Variants in NEO1 observed in about 807,000 individuals in gnomAD.
NEO1 encodes neogenin.
Under a neutral mutation model 159.7 loss-of-function variants are expected in NEO1, and 63 were observed. That is an observed-to-expected ratio of 0.39 (90% CI 0.32 to 0.49). The LOEUF (loss-of-function observed/expected upper bound fraction) is 0.49. NEO1 is among the 20% of genes least tolerant of loss of function. The pLI, the probability that NEO1 is intolerant of heterozygous loss-of-function variation, is 0.85. For synonymous variants in NEO1, 633 were observed against 662.0 expected (o/e 0.96, Z 0.67); for missense variants, 1,615 against 1,831.0 (o/e 0.88, Z 2.15).
At chr15:73,177,310 G>A (rs1157947921) in intron 6 of NEO1, among the ~76,000 whole-genome samples, 1 of 152,026 alleles carries the variant, frequency 6.6e-6, no homozygotes, top group Admixed American at 6.6e-5. Flanking sequence ...TCATAAAAAT[G>A]ATCAGAACTA....
At chr15:73,087,784 T>G (rs1440822389) in intron 1 of NEO1, among the ~76,000 whole-genome samples, 1 of 152,160 alleles carries the variant, frequency 6.6e-6, no homozygotes, top group African/African-American at 2.4e-5. Flanking sequence ...TAATTGTATA[T>G]TTTTGAATTG....
chr15:73,283,627 T>C lies in NEO1; in HGVS notation c.3410+516T>C, dbSNP rs139567303. ...CTGGAAGCCAGGAAACCCAGCAGGATTGCCAAGTAATAGTTAATTTAGCTC... is the reference window on the plus strand; with the variant it reads ...CTGGAAGCCAGGAAACCCAGCAGGACTGCCAAGTAATAGTTAATTTAGCTC... On this transcript the variant is annotated intron_variant, in intron 23 of 28. Coordinates refer to ENST00000261908, the MANE Select transcript of NEO1 (RefSeq NM_002499.4). 2.4e-3 allele frequency among the ~76,000 whole-genome samples: 369 copies of C among 152,280 alleles called. 4 individuals are homozygous for C. Among genetic ancestry groups the C allele is most frequent in the African/African-American group, 8.5e-3 (352 of 41,554 alleles).
At chr15:73,246,931 A>G (rs998817857) in intron 9 of NEO1, among the ~76,000 whole-genome samples, 5 of 152,220 alleles carry the variant, frequency 3.3e-5, no homozygotes, top group Non-Finnish European at 7.3e-5. Context: ...CCACTGTGTT[A>G]GGCAGTCAGG....
At chr15:73,220,788 A>G (rs2038200436) in intron 7 of NEO1, among the ~76,000 whole-genome samples, 1 of 152,066 alleles carries the variant, frequency 6.6e-6, no homozygotes, top group African/African-American at 2.4e-5. Context: ...AGCTCCTTTA[A>G]GCACTTCTCT....
At chr15:73,187,016 A>G (rs1212805885) in intron 7 of NEO1, among the ~76,000 whole-genome samples, 1 of 152,226 alleles carries the variant, frequency 6.6e-6, no homozygotes, top group Non-Finnish European at 1.5e-5. Context: ...GAAGTGTGAC[A>G]GAATGGTATA....
chr15:73,138,695 G>A lies in NEO1; in HGVS notation c.1015+2668G>A, dbSNP rs572631675. Among the ~76,000 whole-genome samples, 77 of 150,414 alleles carry A rather than the reference G, an allele frequency of 5.1e-4. No homozygotes were observed. The South Asian group carries it at 0.015, about 29-fold the overall frequency. The stretch of plus-strand genomic sequence containing the variant: ...GGCGTGAACCTGGGAAGCCGAGCTT[G>A]CAGTGAGCCGAGATCCCGCCACTGC... On this transcript the variant is annotated intron_variant, in intron 5 of 28. Coordinates refer to ENST00000261908, the MANE Select transcript of NEO1 (RefSeq NM_002499.4).
At chr15:73,055,950 G>A (rs1031359225) in intron 1 of NEO1, among the ~76,000 whole-genome samples, 2 of 152,078 alleles carry the variant, frequency 1.3e-5, no homozygotes, top group Non-Finnish European at 2.9e-5. Context: ...ATCCCCACCT[G>A]GACTAACAGT....
At chr15:73,095,224 C>CT (rs2069943290) in intron 1 of NEO1, among the ~76,000 whole-genome samples, 1 of 148,762 alleles carries the variant, frequency 6.7e-6, no homozygotes, top group East Asian at 2.0e-4. Context: ...AAAAAAAAAA[C>CT]TTAACAGCTA....
chr15:73,052,644 C>T lies in NEO1; in HGVS notation c.-32C>T. ...GGAGGCAAGGGCTCCGCGGCGCTGT[C>T]GCCGCCGCTGCCGCTCACTCTCGGG... On this transcript the variant is annotated 5_prime_UTR_variant, in exon 1 of 29. Coordinates refer to ENST00000261908, the MANE Select transcript of NEO1 (RefSeq NM_002499.4). 4.8e-6 allele frequency: 6 copies of T among 1,240,922 alleles called. No homozygotes were observed. The highest frequency in any genetic ancestry group is 6.1e-6 in the Non-Finnish European group (6 of 986,974). 76.9% of individuals were successfully genotyped at this position (1,240,922 alleles called of 1,614,324 possible). A position where few individuals can be genotyped will look rare whatever the true frequency, so the allele number is the denominator to read the frequency against.
chr15:73,121,798 A>C (rs1251931240), intron 2 of NEO1, among the ~76,000 whole-genome samples: 1 of 152,094 alleles, frequency 6.6e-6, no homozygotes, highest in Non-Finnish European at 1.5e-5. Context: ...AGATTTAATC[A>C]GAGGAAGCTC....
At chr15:73,060,752 A>G (rs2067935769) in intron 1 of NEO1, among the ~76,000 whole-genome samples, 2 of 148,550 alleles carry the variant, frequency 1.3e-5, no homozygotes, top group African/African-American at 2.5e-5. Context: ...GGCTCAGGTG[A>G]TCCCCAGCCT....
intron 22 of NEO1, among the ~76,000 whole-genome samples, chr15:73,281,278 C>T (rs925100353): frequency 4.7e-5 from 7 of 148,636 alleles, no homozygotes; most frequent in African/African-American, 1.2e-4. Flanking sequence ...CCCCCCTAGA[C>T]GGAGTCTTGC....
intron 8 of NEO1, among the ~76,000 whole-genome samples, chr15:73,239,517 G>A (rs1371370061): frequency 1.3e-5 from 2 of 152,184 alleles, no homozygotes; most frequent in Admixed American, 6.5e-5. Flanking sequence ...GACAGACTGC[G>A]TATACAATGG....
intron 23 of NEO1, among the ~76,000 whole-genome samples, chr15:73,285,961 T>G (rs2041928420): frequency 6.6e-6 from 1 of 152,180 alleles, no homozygotes; most frequent in Non-Finnish European, 1.5e-5. Context: ...CCTGCTGTTA[T>G]TCCTCTCTCC....
At chr15:73,091,327 TGTATTACATTC>T (rs1476834513) in intron 1 of NEO1, among the ~76,000 whole-genome samples, 1 of 152,260 alleles carries the variant, frequency 6.6e-6, no homozygotes, top group Non-Finnish European at 1.5e-5. Context: ...TCTTGCCTTA[TGTATTACATTC>T]CTGAAAAGCT....
intron 1 of NEO1, among the ~76,000 whole-genome samples, chr15:73,053,125 C>G (rs2067538463): frequency 6.6e-6 from 1 of 152,228 alleles, no homozygotes; most frequent in African/African-American, 2.4e-5. Context: ...GTGGGACATT[C>G]TTGTGCTCAC....
At chr15:73,288,202 C>A in intron 23 of NEO1, 111 bp from the exon 24 acceptor site, 1 of 1,031,340 alleles carries the variant, frequency 9.7e-7, no homozygotes, top group Non-Finnish European at 1.4e-6. Flanking sequence ...TTAGTTTTTG[C>A]TTTTTTTGCT....
intron 7 of NEO1, among the ~76,000 whole-genome samples, chr15:73,202,005 G>A (rs4776629): frequency 1.4e-5 from 2 of 141,752 alleles, no homozygotes; most frequent in South Asian, 2.3e-4. Flanking sequence ...TTGTTGCTGC[G>A]CAGCCTGGAG....
At chr15:73,186,687 A>G (rs1299734139) in intron 7 of NEO1, among the ~76,000 whole-genome samples, 1 of 152,072 alleles carries the variant, frequency 6.6e-6, no homozygotes, top group Non-Finnish European at 1.5e-5. Context: ...ATCAGTATAT[A>G]TTTGTCTTAC....
Sources: allele counts gnomAD v4.1 joint callset (sites outside exome capture counted in the v4.1 genomes callset), GRCh38; gene constraint gnomAD v4.1.1; transcripts MANE v1.5; gene names NCBI Gene and HGNC (gene_info 2026-07-23, HGNC 2026-07-21).